ATRNL1: variants seen among roughly 807,000 people sequenced by gnomAD.
The protein encoded by ATRNL1 is attractin-like protein 1.
Under a neutral mutation model 182.7 loss-of-function variants are expected in ATRNL1, and 95 were observed. That is an observed-to-expected ratio of 0.52 (90% CI 0.44 to 0.62). The LOEUF is 0.62. Ranked by LOEUF, ATRNL1 falls within the 20% of genes least tolerant of loss-of-function variation. The pLI is 0.00. For synonymous variants in ATRNL1, 576 were observed against 568.3 expected (o/e 1.01, Z -0.19); for missense variants, 1,471 against 1,679.5 (o/e 0.88, Z 2.17).
At chr10:115,838,793 AT>A (rs5788118) in intron 27 of ATRNL1, among the ~76,000 whole-genome samples, 69,162 of 151,806 alleles carry the variant, frequency 0.46, 17,636 homozygotes, top group East Asian at 0.68. Flanking sequence ...ATTTCGCAGT[AT>A]TTTTTTTAAT....
chr10:115,331,260 C>T (rs542398027), intron 18 of ATRNL1, among the ~76,000 whole-genome samples: 54 of 152,252 alleles, frequency 3.5e-4, no homozygotes, highest in African/African-American at 1.2e-3. Flanking sequence ...TGGGGTTTCA[C>T]CATGTTAGCC....
intron 21 of ATRNL1, among the ~76,000 whole-genome samples, chr10:115,458,705 C>G (rs1847648455): frequency 6.6e-6 from 1 of 152,064 alleles, no homozygotes; most frequent in Admixed American, 6.6e-5. Flanking sequence ...GGTCTGAAGT[C>G]TCCCAGTTCC....
intron 26 of ATRNL1, among the ~76,000 whole-genome samples, chr10:115,560,373 C>A (rs782214602): frequency 6.6e-6 from 1 of 152,084 alleles, no homozygotes; most frequent in East Asian, 1.9e-4. Context: ...AGAGACCCTC[C>A]CCATGATTCA....
chr10:115,151,876 G>C (rs1554880736), intron 5 of ATRNL1, among the ~76,000 whole-genome samples: 2 of 152,106 alleles, frequency 1.3e-5, no homozygotes, highest in African/African-American at 4.8e-5. Context: ...AATTCATCTT[G>C]AATTAATTTT....
intron 25 of ATRNL1, among the ~76,000 whole-genome samples, chr10:115,548,108 T>C (rs1554994368): frequency 1.3e-5 from 2 of 152,186 alleles, no homozygotes; most frequent in Non-Finnish European, 2.9e-5. Context: ...TACGACTTAG[T>C]CCGTGTGGGA....
intron 28 of ATRNL1, among the ~76,000 whole-genome samples, chr10:115,920,249 C>T (rs998337362): frequency 3.3e-5 from 5 of 152,182 alleles, no homozygotes; most frequent in East Asian, 1.9e-4. Context: ...TTCACCTTCA[C>T]GGATATCCAG....
intron 18 of ATRNL1, among the ~76,000 whole-genome samples, chr10:115,317,059 T>C (rs1334709152): frequency 6.6e-6 from 1 of 152,232 alleles, no homozygotes; most frequent in East Asian, 1.9e-4. Flanking sequence ...GTTTTACATT[T>C]AACTGTTTAA....
intron 5 of ATRNL1, among the ~76,000 whole-genome samples, chr10:115,159,543 A>G (rs1192966244): frequency 1.3e-5 from 2 of 151,410 alleles, no homozygotes; most frequent in East Asian, 3.9e-4. Context: ...AATCTTTTTT[A>G]TGTTTGTTTA....
chr10:115,637,087 A>G (rs1555028445), intron 26 of ATRNL1, among the ~76,000 whole-genome samples: 2 of 152,220 alleles, frequency 1.3e-5, no homozygotes, highest in African/African-American at 4.8e-5. Context: ...ATGGACCTCA[A>G]TACCTAGTGG....
chr10:115,131,979 G>T (rs528474775), intron 5 of ATRNL1, among the ~76,000 whole-genome samples: 2 of 151,854 alleles, frequency 1.3e-5, no homozygotes, highest in African/African-American at 4.8e-5. Context: ...TGTGCACAAC[G>T]TGCAGGTTTG....
intron 26 of ATRNL1, among the ~76,000 whole-genome samples, chr10:115,678,429 A>C (rs920710438): frequency 1.3e-5 from 2 of 152,108 alleles, no homozygotes; most frequent in African/African-American, 4.8e-5. Flanking sequence ...TTATTTTAAA[A>C]ATTTATGTGG....
intron 28 of ATRNL1, among the ~76,000 whole-genome samples, chr10:115,850,246 C>A (rs1379745632): frequency 6.6e-6 from 1 of 152,004 alleles, no homozygotes; most frequent in Non-Finnish European, 1.5e-5. Flanking sequence ...TTATAAAATT[C>A]TTTTAACTTT....
At chr10:115,517,090 A>G (rs1353326722) in intron 24 of ATRNL1, among the ~76,000 whole-genome samples, 2 of 152,000 alleles carry the variant, frequency 1.3e-5, no homozygotes, top group African/African-American at 2.4e-5. Flanking sequence ...CATGATTTAA[A>G]TGATTTAAGT....
rs996782694 is a variant in ATRNL1, at chr10:115,180,290, T to G, written c.1348+8998T>G. 3.3e-5 allele frequency among the ~76,000 whole-genome samples: 5 copies of G among 152,062 alleles called. No homozygotes were observed. The South Asian group carries it at 8.3e-4, about 25-fold the overall frequency. On this transcript the variant is annotated intron_variant, in intron 8 of 28. Coordinates refer to ENST00000355044, the MANE Select transcript of ATRNL1 (RefSeq NM_207303.4). ...ACATATACATGTGCATGTCATCTGGTTTGCTTATTTTTGACCTTTATAAAA... is the reference window on the plus strand; with the variant it reads ...ACATATACATGTGCATGTCATCTGGGTTGCTTATTTTTGACCTTTATAAAA...
rs782711043 is a variant in ATRNL1 at position 115,847,880 on chromosome 10, G to T, written c.3907G>T (p.Ala1303Ser). 8.2e-6 allele frequency: 13 copies of T among 1,595,072 alleles called. No homozygotes were observed. Among genetic ancestry groups the T allele is most frequent in the Non-Finnish European group, 1.0e-5 (12 of 1,163,492 alleles). Residue 1303 changes from alanine to serine, a missense_variant, in exon 28 of 29, where the codon GCA becomes TCA. This residue lies in a region of ATRNL1 where 437 missense variants were observed against 506.0 expected (regional missense o/e 0.86). Transcript: ENST00000355044. ...TEFLRGPLEG[A>S]PKPIAIEPCA... Reference sequence around the variant, plus strand: ...TAAAGTGGGTTTTCTTTTTCAGGGGGCACCCAAGCCAATTGCCATTGAACC... The same window carrying T: ...TAAAGTGGGTTTTCTTTTTCAGGGGTCACCCAAGCCAATTGCCATTGAACC...
chr10:115,495,799 GT>G, intron 24 of ATRNL1, among the ~76,000 whole-genome samples: 1 of 151,786 alleles, frequency 6.6e-6, no homozygotes, highest in East Asian at 1.9e-4. Context: ...ATATTCTTTT[GT>G]TTTTGAGTGG....
chr10:115,501,397 T>A (rs957806399), intron 24 of ATRNL1, among the ~76,000 whole-genome samples: 1 of 152,178 alleles, frequency 6.6e-6, no homozygotes, highest in Non-Finnish European at 1.5e-5. Flanking sequence ...TGAACCCTGT[T>A]ACAGGGACTG....
chr10:115,474,860 G>A (rs1848463324), intron 24 of ATRNL1, among the ~76,000 whole-genome samples: 1 of 151,372 alleles, frequency 6.6e-6, no homozygotes, highest in Admixed American at 6.6e-5. Flanking sequence ...AGTATGGACT[G>A]ACTAACCAAA....
chr10:115,724,866 C>T (rs1331472992), intron 26 of ATRNL1, among the ~76,000 whole-genome samples: 2 of 152,112 alleles, frequency 1.3e-5, no homozygotes, highest in Non-Finnish European at 2.9e-5. Flanking sequence ...TATTTTAGGG[C>T]TATCACACTA....
Sources: allele counts gnomAD v4.1 joint callset (sites outside exome capture counted in the v4.1 genomes callset), GRCh38; gene constraint gnomAD v4.1.1; regional missense constraint gnomAD v4.1.1; transcripts MANE v1.5; gene names NCBI Gene and HGNC (gene_info 2026-07-23, HGNC 2026-07-21).